FAM117B: variants seen among roughly 807,000 people sequenced by gnomAD.
FAM117B encodes the protein family with sequence similarity 117 member B.
In FAM117B, 22 loss-of-function variants were observed where a neutral mutation model predicts 52.8. That is an observed-to-expected ratio of 0.42 (90% CI 0.30 to 0.59). The LOEUF is 0.59. Among genes scored for constraint, FAM117B ranks in the 20% least tolerant of loss-of-function variants. The pLI is 0.22. For synonymous variants in FAM117B, 309 were observed against 324.1 expected, an observed-to-expected ratio of 0.95 and a Z score of 0.50; for missense variants, 678 against 802.6, an observed-to-expected ratio of 0.84 and a Z score of 1.88.
intron 2 of FAM117B, among the ~76,000 whole-genome samples, chr2:202,696,791 C>T (rs184967910): frequency 3.3e-5 from 5 of 152,250 alleles, no homozygotes; most frequent in Admixed American, 6.5e-5. Flanking sequence ...CAGGGCCAGG[C>T]GGGATGGCTT....
At chr2:202,727,322 C>G (rs912534186) in intron 4 of FAM117B, among the ~76,000 whole-genome samples, 4 of 152,126 alleles carry the variant, frequency 2.6e-5, no homozygotes, top group Admixed American at 2.6e-4. Context: ...AATGTCCCAC[C>G]ATGTGTTTCT....
intron 1 of FAM117B, among the ~76,000 whole-genome samples, chr2:202,683,355 A>G (rs1370296484): frequency 1.3e-5 from 2 of 152,100 alleles, no homozygotes; most frequent in African/African-American, 4.8e-5. Context: ...AAAACAAAAC[A>G]AAAACCTGTT....
intron 1 of FAM117B, among the ~76,000 whole-genome samples, chr2:202,654,062 T>TGAGAGAGA (rs60490884): frequency 1.1e-3 from 144 of 134,826 alleles, no homozygotes; most frequent in African/African-American, 2.1e-3. Context: ...AGAGAGTGAG[T>TGAGAGAGA]GAGAGAGAGA....
intron 2 of FAM117B, among the ~76,000 whole-genome samples, chr2:202,700,759 T>A (rs1690785469): frequency 6.6e-6 from 1 of 151,586 alleles, no homozygotes; most frequent in African/African-American, 2.4e-5. Flanking sequence ...CAGTCATAGC[T>A]CGGTACAACC....
intron 1 of FAM117B, among the ~76,000 whole-genome samples, chr2:202,654,728 T>G (rs1690026843): frequency 6.6e-6 from 1 of 151,966 alleles, no homozygotes; most frequent in Non-Finnish European, 1.5e-5. Flanking sequence ...TAAAAAGATT[T>G]GAAATGTGAC....
chr2:202,719,651 A>T (rs987149046), intron 2 of FAM117B, among the ~76,000 whole-genome samples: 2 of 152,160 alleles, frequency 1.3e-5, no homozygotes, highest in African/African-American at 4.8e-5. Context: ...TGTAAGATTG[A>T]TATAATACTG....
intron 4 of FAM117B, among the ~76,000 whole-genome samples, chr2:202,755,050 G>A (rs1365510573): frequency 6.6e-6 from 1 of 151,868 alleles, no homozygotes; most frequent in Non-Finnish European, 1.5e-5. Context: ...CCAAGCAGGA[G>A]CAAGAGAGAG....
intron 4 of FAM117B, among the ~76,000 whole-genome samples, chr2:202,737,422 A>G (rs1369569308): frequency 6.6e-6 from 1 of 152,108 alleles, no homozygotes; most frequent in Non-Finnish European, 1.5e-5. Context: ...TCCTTTGTAT[A>G]CATGCTTCCC....
At chr2:202,674,970 C>T (rs1428096954) in intron 1 of FAM117B, among the ~76,000 whole-genome samples, 1 of 152,166 alleles carries the variant, frequency 6.6e-6, no homozygotes, top group African/African-American at 2.4e-5. Context: ...TGCAGTGGCT[C>T]ACACTTGTAA....
chr2:202,759,174 C>A lies in FAM117B; in HGVS notation c.1331-59C>A. On this transcript the variant is annotated intron_variant, in intron 6 of 7. Transcript: ENST00000392238. ...AGTTCATGGTGGGCTAGTCCAAGAA[C>A]AATTAAATATAGTATGACTATACAT... 4 of 1,586,992 alleles carry A rather than the reference C, an allele frequency of 2.5e-6. No homozygotes were observed. In the South Asian group the frequency reaches 4.6e-5, roughly 18 times the overall value.
chr2:202,694,740 A>G (rs1690685469), intron 1 of FAM117B, among the ~76,000 whole-genome samples: 1 of 152,164 alleles, frequency 6.6e-6, no homozygotes, highest in South Asian at 2.1e-4. Flanking sequence ...TCTCAAAGGC[A>G]AGGGATCAAT....
At chr2:202,726,058 G>A (rs1691238859) in intron 3 of FAM117B, among the ~76,000 whole-genome samples, 192 bp from the exon 4 acceptor site, 1 of 152,192 alleles carries the variant, frequency 6.6e-6, no homozygotes, top group African/African-American at 2.4e-5. Context: ...TGAGAACAAT[G>A]TTGGAACATA....
chr2:202,641,715 T>G (rs932941708), intron 1 of FAM117B, among the ~76,000 whole-genome samples: 1 of 151,762 alleles, frequency 6.6e-6, no homozygotes, highest in African/African-American at 2.4e-5. Flanking sequence ...CTTGGCTCAT[T>G]GTAACCTCCG....
chr2:202,653,757 C>G (rs972617866), intron 1 of FAM117B, among the ~76,000 whole-genome samples: 1 of 152,088 alleles, frequency 6.6e-6, no homozygotes, highest in Non-Finnish European at 1.5e-5. Flanking sequence ...ATTATATCCT[C>G]TTGGCAATTA....
chr2:202,668,826 C>A (rs964420939), intron 1 of FAM117B, among the ~76,000 whole-genome samples: 8 of 152,076 alleles, frequency 5.3e-5, no homozygotes, highest in Admixed American at 5.2e-4. Flanking sequence ...TGAGAATACT[C>A]AGTCCAAGAG....
At chr2:202,694,973 T>TA (rs1690689153) in intron 1 of FAM117B, among the ~76,000 whole-genome samples, 1 of 152,208 alleles carries the variant, frequency 6.6e-6, no homozygotes, top group South Asian at 2.1e-4. Context: ...CCATGATAAT[T>TA]ACCTTCCTGT....
chr2:202,675,209 GAGTA>G (rs1231992519), intron 1 of FAM117B, among the ~76,000 whole-genome samples: 1 of 151,432 alleles, frequency 6.6e-6, no homozygotes, highest in Non-Finnish European at 1.5e-5. Flanking sequence ...CTGGACAAAA[GAGTA>G]AGACCCTGTC....
intron 1 of FAM117B, among the ~76,000 whole-genome samples, chr2:202,647,646 G>C (rs544865350): frequency 2.0e-5 from 3 of 152,288 alleles, no homozygotes; most frequent in Non-Finnish European, 4.4e-5. Context: ...TAGAAATCTA[G>C]AACTTATTTT....
At chr2:202,693,406 C>A (rs1185087045) in intron 1 of FAM117B, among the ~76,000 whole-genome samples, 1 of 152,108 alleles carries the variant, frequency 6.6e-6, no homozygotes, top group Non-Finnish European at 1.5e-5. Flanking sequence ...ATCAGGAGTT[C>A]AAGACCAGCC....
Sources: gnomAD v4.1 joint callset for allele counts (sites outside exome capture counted in the v4.1 genomes callset) on GRCh38, gnomAD v4.1.1 for gene constraint, MANE v1.5 for transcripts, NCBI Gene and HGNC (gene_info 2026-07-23, HGNC 2026-07-21) for gene names.